The following CRNKL1 variants were observed in gnomAD, a reference collection of about 807,000 sequenced individuals.
CRNKL1 encodes crooked neck pre-mRNA splicing factor 1.
A neutral mutation model predicts 103.7 loss-of-function variants in CRNKL1; 35 were observed. The ratio of observed to expected loss-of-function variants is 0.34; its 90% CI spans 0.26 to 0.45. The LOEUF (loss-of-function observed/expected upper bound fraction) is 0.45, where lower values mean the gene tolerates loss of function less well. CRNKL1 is among the 20% of genes least tolerant of loss of function. The pLI is 1.00. For synonymous variants in CRNKL1, 267 were observed against 282.6 expected (o/e 0.94, Z 0.55); for missense variants, 645 against 836.0 (o/e 0.77, Z 2.82).
At chr20:20,041,709 G>A in intron 8 of CRNKL1, 84 bp from the exon 9 acceptor site, 1 of 989,756 alleles carries the variant, frequency 1.0e-6, no homozygotes, top group South Asian at 1.3e-5. Flanking sequence ...TACTGATATT[G>A]GTAAAAATGT....
At chr20:20,043,389 A>G in intron 7 of CRNKL1, 103 bp downstream of exon 7, 1 of 1,096,048 alleles carries the variant, frequency 9.1e-7, no homozygotes, top group Non-Finnish European at 1.3e-6. Context: ...TCACGAGAGT[A>G]ATCACTAGTA....
chr20:20,040,590 C>A (rs2043497608), intron 10 of CRNKL1, 96 bp downstream of exon 10: 1 of 910,280 alleles, frequency 1.1e-6, no homozygotes, highest in Admixed American at 2.0e-5. Context: ...ACTTCTGTCA[C>A]TCTTTAAAGT....
At chr20:20,054,562 G>A (rs1001357297), upstream of CRNKL1, among the ~76,000 whole-genome samples, 2 of 152,128 alleles carry the variant, frequency 1.3e-5, no homozygotes, top group African/African-American at 2.4e-5. Flanking sequence ...AAATTTTGTG[G>A]GAATACATTC....
At chr20:20,039,567 C>G in intron 11 of CRNKL1, 42 bp downstream of exon 11, 1 of 1,609,422 alleles carries the variant, frequency 6.2e-7, no homozygotes, top group Admixed American at 1.7e-5. Context: ...TAAGACTAAA[C>G]ACGTATCTCA....
chr20:20,047,685 T>C, intron 5 of CRNKL1, 80 bp downstream of exon 5: 2 of 1,416,768 alleles, frequency 1.4e-6, no homozygotes, highest in South Asian at 1.4e-5. Context: ...CTGTGTGTCC[T>C]GATCATGAGA....
At chr20:20,044,697 G>A (rs1017838521) in intron 6 of CRNKL1, among the ~76,000 whole-genome samples, 2 of 152,006 alleles carry the variant, frequency 1.3e-5, no homozygotes, top group Admixed American at 6.6e-5. Flanking sequence ...ATAGCTCATT[G>A]TAGTCTCAAA....
At chr20:20,043,929 TTC>T (rs1290021116) in intron 6 of CRNKL1, among the ~76,000 whole-genome samples, 2 of 152,160 alleles carry the variant, frequency 1.3e-5, no homozygotes, top group Non-Finnish European at 2.9e-5. Context: ...AAAACTGAGC[TTC>T]TGTTTCCTCC....
At chr20:20,049,881 G>A (rs1019992560) in intron 2 of CRNKL1, among the ~76,000 whole-genome samples, 1 of 151,436 alleles carries the variant, frequency 6.6e-6, no homozygotes, top group Admixed American at 6.6e-5. Flanking sequence ...GCAGTGGCAC[G>A]ATCTCGGCTC....
At position 20,034,672 on chromosome 20, in the gene CRNKL1, G is replaced by A. The variant is rs2043390691; in HGVS notation, c.*1523C>T. On this transcript the variant is annotated 3_prime_UTR_variant, in exon 14 of 14. Coordinates refer to ENST00000536226, the MANE Select transcript of CRNKL1 (RefSeq NM_001278628.2). ...TGATGTTCTCCTGCTCACTCACTAG[G>A]CAGACCTCTACTCGAGAAGTGATCT... 6.6e-6 allele frequency: 1 copy of A among 152,188 alleles called. No homozygotes were observed. The highest frequency in any genetic ancestry group is 2.1e-4 in the South Asian group (1 of 4,824). The allele number at this position is 152,188 out of a possible 1,614,324, so 9.4% of individuals were successfully genotyped here. A position where few individuals can be genotyped will look rare whatever the true frequency, so the allele number is the denominator to read the frequency against.
upstream of CRNKL1, among the ~76,000 whole-genome samples, chr20:20,054,521 T>C (rs774492914): frequency 1.8e-4 from 28 of 152,220 alleles, no homozygotes; most frequent in Non-Finnish European, 3.7e-4. Context: ...ATGAAAATTA[T>C]ACATAAGTCA....
At chr20:20,043,436 A>G in intron 7 of CRNKL1, 56 bp downstream of exon 7, 1 of 1,530,064 alleles carries the variant, frequency 6.5e-7, no homozygotes, top group Non-Finnish European at 9.0e-7. Context: ...TGTTGCTAGT[A>G]TTGATGAGCA....
Position 20,041,549 on chromosome 20 carries a change from C to T in CRNKL1, c.1224+17G>A, listed in dbSNP as rs779815167. 3 of 1,600,034 alleles carry T rather than the reference C, an allele frequency of 1.9e-6. No homozygotes were observed. The highest frequency in any genetic ancestry group is 2.2e-5 in the East Asian group (1 of 44,804). On this transcript the variant is annotated intron_variant, in intron 9 of 13. Transcript: ENST00000536226. ...ATTCTGACCTGTTTGAAATGGAACA[C>T]TTTAGAGCAAACATACCTTTTTGTG...
Position 20,042,376 on chromosome 20 carries a change from G to A in CRNKL1, c.1113C>T (p.Arg371=). The A allele has an allele frequency of 6.2e-7, 1 of 1,613,846 alleles. No individual in the cohort carries two copies. The highest frequency in any genetic ancestry group is 8.5e-7 in the Non-Finnish European group (1 of 1,179,952). The stretch of plus-strand genomic sequence containing the variant: ...CATAGTTGATCCAAAGATAAATGTA[G>A]CGCTTCCAGTGCCTCTTCTCCTGAA... ...PPIQEKRHWK[R]YIYLWINYAL... Residue 371 remains arginine (R), a synonymous_variant, in exon 8 of 14, where the codon CGC becomes CGT. Coordinates refer to ENST00000536226, the MANE Select transcript of CRNKL1 (RefSeq NM_001278628.2).
At chr20:20,044,884 G>C (rs777684057) in intron 6 of CRNKL1, among the ~76,000 whole-genome samples, 3 of 152,010 alleles carry the variant, frequency 2.0e-5, no homozygotes, top group Non-Finnish European at 4.4e-5. Context: ...CAATATTTGA[G>C]CTATTTTCAT....
chr20:20,048,091 T>G (rs534516243), intron 4 of CRNKL1, among the ~76,000 whole-genome samples, 160 bp from the exon 5 acceptor site: 1 of 152,346 alleles, frequency 6.6e-6, no homozygotes, highest in Non-Finnish European at 1.5e-5. Flanking sequence ...AAAAAAGATT[T>G]TTTTTTCTTA....
In CRNKL1 at chr20:20,050,484, G is replaced by A; in HGVS notation, c.190C>T (p.Leu64=). The A allele has an allele frequency of 6.2e-7, 1 of 1,613,480 alleles. No individual in the cohort carries two copies. Reference sequence around the variant, plus strand: ...CACTGACTGACCTTCCTTTTCCTTAGTTTATAATCATTTAATTCTTCTTCA... The same window carrying A: ...CACTGACTGACCTTCCTTTTCCTTAATTTATAATCATTTAATTCTTCTTCA... The part of the protein sequence containing the change: ...TDEEELNDYK[L]RKRKTFEDNI... The change falls in exon 2 of 14, where the codon CTA becomes TTA. Residue 64 remains leucine, a synonymous_variant. Transcript: ENST00000536226.
At chr20:20,051,220 C>T (rs1473654834) in intron 1 of CRNKL1, among the ~76,000 whole-genome samples, 1 of 152,014 alleles carries the variant, frequency 6.6e-6, no homozygotes, top group African/African-American at 2.4e-5. Context: ...GTGTAAAATA[C>T]ACATTGGTTT....
At chr20:20,043,758 A>C (rs2043552153) in intron 6 of CRNKL1, 96 bp from the exon 7 acceptor site, 2 of 1,169,796 alleles carry the variant, frequency 1.7e-6, no homozygotes, top group Admixed American at 4.6e-5. Flanking sequence ...CTTATAAGTT[A>C]GATTTTGAGG....
In CRNKL1 at chr20:20,036,422, TGAA is replaced by T. The variant is rs1271843707; in HGVS notation, c.1897-63_1897-61del. 15 of 1,507,258 alleles carry T rather than the reference TGAA, an allele frequency of 1.0e-5. No individual in the cohort carries two copies. The South Asian group carries it at 1.8e-4, about 18-fold the overall frequency. 93.4% of individuals were successfully genotyped at this position (1,507,258 alleles called of 1,614,324 possible). On this transcript the variant is annotated intron_variant, in intron 13 of 13. Transcript: ENST00000536226. ...TGGGTGATATACTCACATATCAGAG[TGAA>T]GAATTTTTACTGGAAATCCGGATGA...
Sources: allele counts gnomAD v4.1 joint callset (sites outside exome capture counted in the v4.1 genomes callset), GRCh38; gene constraint gnomAD v4.1.1; transcripts MANE v1.5; gene names NCBI Gene and HGNC (gene_info 2026-07-23, HGNC 2026-07-21).